KCNK10: variants seen among roughly 807,000 people sequenced by gnomAD.
The protein encoded by KCNK10 is potassium two pore domain channel subfamily K member 10.
In KCNK10, 25 loss-of-function variants were observed where a neutral mutation model predicts 47.7. That is an observed-to-expected ratio of 0.52 (90% CI 0.38 to 0.73). The LOEUF is 0.73. KCNK10 is among the 30% of genes least tolerant of loss of function. KCNK10 has a pLI of 0.00. For missense variants in KCNK10, 563 were observed against 714.5 expected, an observed-to-expected ratio of 0.79 and a Z score of 2.42; for synonymous variants, 303 against 285.6, an observed-to-expected ratio of 1.06 and a Z score of -0.61.
chr14:88,210,562 G>C (rs903623541), intron 4 of KCNK10, among the ~76,000 whole-genome samples: 32 of 152,188 alleles, frequency 2.1e-4, no homozygotes, highest in Non-Finnish European at 3.2e-4. Flanking sequence ...GCCCTAGTCG[G>C]CCTGGCACTG....
At chr14:88,193,704 TGAAGCCAAGAGGGGTTAAGG>T (rs1221260209) in intron 4 of KCNK10, among the ~76,000 whole-genome samples, 1 of 152,128 alleles carries the variant, frequency 6.6e-6, no homozygotes, top group Non-Finnish European at 1.5e-5. Flanking sequence ...CATGCAAAAC[TGAAGCCAAGAGGGGTTAAGG>T]GACTTGCATA....
intron 1 of KCNK10, among the ~76,000 whole-genome samples, chr14:88,274,432 C>T (rs1363179309): frequency 6.6e-6 from 1 of 151,290 alleles, no homozygotes; most frequent in African/African-American, 2.4e-5. Flanking sequence ...CATGGTGGCG[C>T]ACGCTGTAAT....
intron 1 of KCNK10, among the ~76,000 whole-genome samples, chr14:88,264,530 C>T (rs892154446): frequency 1.3e-5 from 2 of 152,186 alleles, no homozygotes; most frequent in East Asian, 3.9e-4. Flanking sequence ...AGTTAAACTG[C>T]TCAATCACTG....
At chr14:88,224,284 A>T (rs1885915108) in intron 4 of KCNK10, among the ~76,000 whole-genome samples, 1 of 152,206 alleles carries the variant, frequency 6.6e-6, no homozygotes, top group Admixed American at 6.5e-5. Flanking sequence ...GGGTAAAGTG[A>T]CTGTAAGCCC....
chr14:88,269,781 T>C (rs1467626415), intron 1 of KCNK10, among the ~76,000 whole-genome samples: 5 of 152,130 alleles, frequency 3.3e-5, no homozygotes, highest in Non-Finnish European at 7.4e-5. Context: ...TGTAAGGTGA[T>C]GATTATTATC....
At chr14:88,305,530 C>T (rs1566720171) in intron 1 of KCNK10, among the ~76,000 whole-genome samples, 1 of 152,154 alleles carries the variant, frequency 6.6e-6, no homozygotes, top group Non-Finnish European at 1.5e-5. Context: ...TGCCAATCAG[C>T]TGTGGATTGT....
At chr14:88,213,177 T>C (rs1336246349) in intron 4 of KCNK10, among the ~76,000 whole-genome samples, 1 of 152,124 alleles carries the variant, frequency 6.6e-6, no homozygotes, top group Non-Finnish European at 1.5e-5. Context: ...GCACACTCAA[T>C]TCAATAAGGG....
intron 2 of KCNK10, among the ~76,000 whole-genome samples, chr14:88,247,793 C>A (rs151039209): frequency 1.7e-3 from 262 of 152,240 alleles, no homozygotes; most frequent in Non-Finnish European, 3.2e-3. Context: ...TATTCACTAA[C>A]GACTAATCTA....
intron 5 of KCNK10, among the ~76,000 whole-genome samples, chr14:88,191,611 T>TC (rs1445021174): frequency 1.3e-5 from 2 of 151,744 alleles, no homozygotes; most frequent in Non-Finnish European, 2.9e-5. Context: ...GATTTTTTTT[T>TC]CACTTCCTTA....
At chr14:88,263,999 G>A (rs1887190142) in intron 1 of KCNK10, among the ~76,000 whole-genome samples, 1 of 152,198 alleles carries the variant, frequency 6.6e-6, no homozygotes, top group South Asian at 2.1e-4. Flanking sequence ...AAGGGCTGGT[G>A]ATACCAACAG....
chr14:88,314,968 G>GCAAT (rs1164887216), intron 1 of KCNK10, among the ~76,000 whole-genome samples: 2 of 152,114 alleles, frequency 1.3e-5, no homozygotes, highest in Non-Finnish European at 2.9e-5. Context: ...TAGGACTCAG[G>GCAAT]CAATCTAAGA....
Position 88,185,466 on chromosome 14 carries a change from C to T in KCNK10, c.*69G>A, listed in dbSNP as rs1884510916. ...AAAAGTCTGTTTAAGGCACATGTCT[C>T]AGTGTGAATATTAAAAACACACACA... On this transcript the variant is annotated 3_prime_UTR_variant, in exon 7 of 7. Coordinates refer to ENST00000319231, the MANE Select transcript of KCNK10 (RefSeq NM_138317.3). The surrounding 1 kb of genome is among the most constrained non-coding windows in gnomAD (Gnocchi z 4.3). 6.5e-7 allele frequency: 1 copy of T among 1,529,722 alleles called. No individual in the cohort carries two copies. The highest frequency in any genetic ancestry group is 8.8e-7 in the Non-Finnish European group (1 of 1,139,184). The allele number at this position is 1,529,722 out of a possible 1,614,324, so 94.8% of individuals were successfully genotyped here.
intron 1 of KCNK10, among the ~76,000 whole-genome samples, chr14:88,304,418 T>C (rs1403191632): frequency 6.6e-6 from 1 of 152,208 alleles, no homozygotes; most frequent in Non-Finnish European, 1.5e-5. Flanking sequence ...GAATATATAT[T>C]TGCAAATTCT....
At chr14:88,233,139 G>A (rs772463239) in intron 3 of KCNK10, among the ~76,000 whole-genome samples, 7 of 152,138 alleles carry the variant, frequency 4.6e-5, no homozygotes, top group African/African-American at 1.4e-4. Context: ...CTTAAACAAC[G>A]AAAGAAAATA....
At chr14:88,263,628 A>C in intron 1 of KCNK10, 77 bp from the exon 2 acceptor site, 1 of 1,276,796 alleles carries the variant, frequency 7.8e-7, no homozygotes, top group South Asian at 1.4e-5. Flanking sequence ...GAAACAAAGC[A>C]CAGATGTCTT....
At chr14:88,219,828 T>C (rs35855701) in intron 4 of KCNK10, among the ~76,000 whole-genome samples, 44,077 of 151,998 alleles carry the variant, frequency 0.29, 7,017 homozygotes, top group East Asian at 0.47. Flanking sequence ...TCTAACAAGT[T>C]TCCAGTGGAT....
chr14:88,197,211 T>C (rs1395746906), intron 4 of KCNK10, among the ~76,000 whole-genome samples: 2 of 152,220 alleles, frequency 1.3e-5, no homozygotes, highest in African/African-American at 4.8e-5. Context: ...TTGAAAAAGA[T>C]GTTGGTATAT....
At chr14:88,288,560 TG>T (rs1887815590) in intron 1 of KCNK10, among the ~76,000 whole-genome samples, 2 of 152,182 alleles carry the variant, frequency 1.3e-5, no homozygotes, top group African/African-American at 4.8e-5. Flanking sequence ...TGTCCTAACC[TG>T]CCTGCCAAAA....
intron 1 of KCNK10, among the ~76,000 whole-genome samples, chr14:88,287,679 GTGTGTGTGT>G (rs1566715226): frequency 7.9e-3 from 29 of 3,686 alleles, no homozygotes; most frequent in East Asian, 0.014. Context: ...TCCATGGTGT[GTGTGTGTGT>G]GTGTGTGTGT....
Sources: allele counts gnomAD v4.1 joint callset (sites outside exome capture counted in the v4.1 genomes callset), GRCh38; gene constraint gnomAD v4.1.1; non-coding constraint Gnocchi (gnomAD v3.1); transcripts MANE v1.5; gene names NCBI Gene and HGNC (gene_info 2026-07-23, HGNC 2026-07-21).